The following RBM25 variants were observed in gnomAD, a reference collection of about 807,000 sequenced individuals.
The protein encoded by RBM25 is RNA binding motif protein 25.
In RBM25, 19 loss-of-function variants were observed where a neutral mutation model predicts 120.7. The observed-to-expected ratio is 0.16, with a 90% CI of 0.11 to 0.23. RBM25 has a LOEUF of 0.23. Ranked by LOEUF, RBM25 falls within the 10% of genes least tolerant of loss-of-function variation. The pLI is 1.00. For missense variants in RBM25, 605 were observed against 1,041.5 expected (o/e 0.58, Z 5.77); for synonymous variants, 390 against 326.7 (o/e 1.19, Z -2.09).
chr14:73,114,776 C>A (rs1034321042), intron 18 of RBM25, among the ~76,000 whole-genome samples: 2 of 152,058 alleles, frequency 1.3e-5, no homozygotes, highest in African/African-American at 4.8e-5. Context: ...TGCCTATAGT[C>A]CCAGCTACTC....
At chr14:73,072,192 G>A (rs1039375733) in intron 2 of RBM25, among the ~76,000 whole-genome samples, 9 of 151,878 alleles carry the variant, frequency 5.9e-5, no homozygotes, top group African/African-American at 1.9e-4. Flanking sequence ...GGCTGGTCTC[G>A]AACTCTTGGC....
intron 17 of RBM25, among the ~76,000 whole-genome samples, chr14:73,113,062 C>A (rs913071403): frequency 6.6e-6 from 1 of 151,930 alleles, no homozygotes; most frequent in Non-Finnish European, 1.5e-5. Flanking sequence ...GTACATGTGC[C>A]ATGGTGGTTT....
intron 2 of RBM25, 54 bp from the exon 3 acceptor site, chr14:73,076,265 G>A (rs1895418611): frequency 7.1e-7 from 1 of 1,402,092 alleles, no homozygotes; most frequent in Admixed American, 1.7e-5. Flanking sequence ...TGTGTGGCAT[G>A]TTGTTGATAG....
intron 1 of RBM25, among the ~76,000 whole-genome samples, chr14:73,070,901 T>G (rs1317366125): frequency 1.4e-5 from 2 of 145,908 alleles, no homozygotes; most frequent in East Asian, 4.0e-4. Context: ...AAGCCAAGAT[T>G]GCACCACTGC....
rs569208712 is a variant in RBM25 at position 73,079,190 on chromosome 14, A to G, written c.324+1654A>G. ...GTAATCCCGGCACTTTGCGGGGCCA[A>G]GGTGAGTGGATCACTTGAGGTCAGG... On this transcript the variant is annotated intron_variant, in intron 4 of 18. Coordinates refer to ENST00000261973, the MANE Select transcript of RBM25 (RefSeq NM_021239.3). Among the ~76,000 whole-genome samples, 110 of 150,852 alleles carry G rather than the reference A, an allele frequency of 7.3e-4. 7 individuals are homozygous for G. Among genetic ancestry groups the G allele is most frequent in the Non-Finnish European group, 1.4e-3 (92 of 67,196 alleles).
At chr14:73,084,196 C>G (rs1326503409) in intron 5 of RBM25, among the ~76,000 whole-genome samples, 1 of 152,150 alleles carries the variant, frequency 6.6e-6, no homozygotes, top group Non-Finnish European at 1.5e-5. Flanking sequence ...CCACACCTGA[C>G]CTCAAATGTT....
chr14:73,066,178 A>G (rs1382594735), intron 1 of RBM25, among the ~76,000 whole-genome samples: 1 of 152,080 alleles, frequency 6.6e-6, no homozygotes, highest in African/African-American at 2.4e-5. Flanking sequence ...AAAAAGAGAT[A>G]CCACCCCCAG....
chr14:73,117,654 C>T (rs1896463464), intron 18 of RBM25, among the ~76,000 whole-genome samples: 1 of 152,168 alleles, frequency 6.6e-6, no homozygotes, highest in East Asian at 1.9e-4. Flanking sequence ...ACATCGCCTC[C>T]ACTTTAGAGG....
chr14:73,119,234 C>A (rs148406850), intron 18 of RBM25, among the ~76,000 whole-genome samples: 6 of 152,276 alleles, frequency 3.9e-5, no homozygotes, highest in African/African-American at 1.4e-4. Context: ...TACAGAATCT[C>A]ATGTATCCCC....
At chr14:73,117,223 T>A (rs1410668173) in intron 18 of RBM25, among the ~76,000 whole-genome samples, 2 of 52,804 alleles carry the variant, frequency 3.8e-5, no homozygotes, top group African/African-American at 1.4e-4. Flanking sequence ...TTTTTTTTTT[T>A]TTTTTTTTTT....
chr14:73,071,889 C>G, intron 2 of RBM25, 142 bp downstream of exon 2: 2 of 639,722 alleles, frequency 3.1e-6, no homozygotes, highest in Non-Finnish European at 5.4e-6. Context: ...GTCTCTTTTT[C>G]CTATAGCAGT....
chr14:73,111,537 A>G lies in RBM25; in HGVS notation c.2027A>G (p.Asn676Ser), dbSNP rs759657886. ...AGTGTTTTTACTGTAGGTGCTTCCA[A>G]TAGTCCTGGTCAGCCTAATTCTGTG... ...IGLSLKLGAS[N>S]SPGQPNSVKR... The change falls in exon 16 of 19, where the codon AAT becomes AGT. Residue 676 changes from asparagine (N) to serine (S), a missense_variant. Around this residue, in one of 4 missense-constraint regions of RBM25, gnomAD observed 465 missense variants for 741.6 expected, o/e 0.63. Transcript: ENST00000261973. 40 of 1,598,050 alleles carry G rather than the reference A, an allele frequency of 2.5e-5. No individual in the cohort carries two copies. Among genetic ancestry groups the G allele is most frequent in the East Asian group, 1.8e-4 (8 of 44,766 alleles).
At chr14:73,111,829 A>T in intron 16 of RBM25, 27 bp downstream of exon 16, 1 of 1,549,820 alleles carries the variant, frequency 6.5e-7, no homozygotes, top group Non-Finnish European at 8.7e-7. Context: ...ATTTCATCAT[A>T]TTATTGGGAA....
rs1373952065 is a variant in RBM25 at position 73,107,957 on chromosome 14, A to G, written c.1541+58A>G. The G allele has an allele frequency of 3.3e-6, 4 of 1,205,512 alleles. No homozygotes were observed. The Admixed American group carries it at 9.0e-5, about 27-fold the overall frequency. 74.7% of individuals were successfully genotyped at this position (1,205,512 alleles called of 1,614,324 possible). A position where few individuals can be genotyped will look rare whatever the true frequency, so the allele number is the denominator to read the frequency against. ...GGTTTTTTATTAGCTGTGTTTTTCC[A>G]TCTGCACAGTTGATAATGCATGTTC... On this transcript the variant is annotated intron_variant, in intron 13 of 18. Transcript: ENST00000261973.
At chr14:73,096,885 C>T in intron 6 of RBM25, 30 bp from the exon 7 acceptor site, 1 of 1,590,316 alleles carries the variant, frequency 6.3e-7, no homozygotes, top group Non-Finnish European at 8.6e-7. Context: ...CTTGATTTTT[C>T]TTTCCCCTGA....
intron 7 of RBM25, among the ~76,000 whole-genome samples, chr14:73,097,742 C>A (rs951511665): frequency 1.3e-5 from 2 of 152,110 alleles, no homozygotes; most frequent in African/African-American, 4.8e-5. Context: ...GCTGCCTTTC[C>A]TTAAGAAACT....
At chr14:73,096,837 T>TA in intron 6 of RBM25, 78 bp from the exon 7 acceptor site, 1 of 1,268,654 alleles carries the variant, frequency 7.9e-7, no homozygotes, top group South Asian at 1.3e-5. Flanking sequence ...ACATGTATGT[T>TA]TATTAACTCT....
In RBM25 at chr14:73,111,008, C is replaced by T; in HGVS notation, c.1870C>T (p.Pro624Ser). The T allele has an allele frequency of 1.2e-6, 2 of 1,614,146 alleles. No individual in the cohort carries two copies. The highest frequency in any genetic ancestry group is 1.7e-6 in the Non-Finnish European group (2 of 1,179,996). ...TACTCTGAGGCCCATCAGCTCTGCT[C>T]CATCTGTTTCCTCTGCCAGTGGCAA... ...KPTLRPISSA[P>S]SVSSASGNAT... Residue 624 changes from proline to serine, a missense_variant, in exon 15 of 19, where the codon CCA (proline) becomes TCA (serine). This residue lies in a region of RBM25 where 465 missense variants were observed against 741.6 expected (regional missense o/e 0.63). Transcript: ENST00000261973.
In RBM25 at chr14:73,114,294, T is replaced by C. The variant is rs779074033; in HGVS notation, c.2400T>C (p.Ala800=). The C allele has an allele frequency of 1.3e-6, 2 of 1,563,908 alleles. No individual in the cohort carries two copies. ...LVDFVCSKVM[A]HSSPQSILDD... Reference sequence around the variant, plus strand: ...TTATTTTTCTCTTTTAGGTTATGGCTCATAGTTCACCCCAGAGCATTTTAG... The same window carrying C: ...TTATTTTTCTCTTTTAGGTTATGGCCCATAGTTCACCCCAGAGCATTTTAG... The change falls in exon 18 of 19, where the codon GCT becomes GCC. Residue 800 remains alanine, a synonymous_variant. Coordinates refer to ENST00000261973, the MANE Select transcript of RBM25 (RefSeq NM_021239.3).
Sources: allele counts gnomAD v4.1 joint callset (sites outside exome capture counted in the v4.1 genomes callset), GRCh38; gene constraint gnomAD v4.1.1; regional missense constraint gnomAD v4.1.1; transcripts MANE v1.5; gene names NCBI Gene and HGNC (gene_info 2026-07-23, HGNC 2026-07-21).